SP100: variants seen among roughly 807,000 people sequenced by gnomAD.
SP100 encodes SP100 nuclear body protein.
Under a neutral mutation model 130.0 loss-of-function variants are expected in SP100, and 84 were observed. That is an observed-to-expected ratio of 0.65 (90% CI 0.54 to 0.77). The LOEUF (loss-of-function observed/expected upper bound fraction) is 0.77. Ranked by LOEUF, SP100 falls within the 30% of genes least tolerant of loss-of-function variation. The probability of loss-of-function intolerance (pLI) is 0.00; values close to 1 mark genes in which losing one functional copy is unlikely to be tolerated. For synonymous variants in SP100, 331 were observed against 351.7 expected, an observed-to-expected ratio of 0.94 and a Z score of 0.66; for missense variants, 978 against 1,052.2, an observed-to-expected ratio of 0.93 and a Z score of 0.97.
intron 13 of SP100, among the ~76,000 whole-genome samples, chr2:230,467,878 T>C (rs1559504679): frequency 1.3e-5 from 2 of 152,234 alleles, no homozygotes; most frequent in South Asian, 4.1e-4. Context: ...TAGTCTGTTA[T>C]TGCCTGATTT....
At chr2:230,419,982 G>A (rs926177169) in intron 2 of SP100, among the ~76,000 whole-genome samples, 2 of 152,130 alleles carry the variant, frequency 1.3e-5, no homozygotes, top group African/African-American at 4.8e-5. Flanking sequence ...TACTGGGATT[G>A]AATTGAGAGA....
intron 2 of SP100, among the ~76,000 whole-genome samples, chr2:230,437,494 T>A (rs2063328104): frequency 6.6e-6 from 1 of 152,172 alleles, no homozygotes; most frequent in Admixed American, 6.6e-5. Flanking sequence ...TTATGCTGAA[T>A]ATTGATATAT....
chr2:230,493,776 A>G (rs889460205), intron 17 of SP100: 1 of 149,476 alleles, frequency 6.7e-6, no homozygotes, highest in Admixed American at 6.7e-5. Flanking sequence ...TCTTTTTTTT[A>G]TTTCTCTTTT....
chr2:230,462,597 T>C (rs1304496338), intron 10 of SP100, 79 bp downstream of exon 10: 1 of 1,043,164 alleles, frequency 9.6e-7, no homozygotes, highest in Admixed American at 1.7e-5. Context: ...CATTTTATTC[T>C]GAGCTCATTC....
At chr2:230,514,597 A>T (rs1690797108) in intron 24 of SP100, among the ~76,000 whole-genome samples, 1 of 152,202 alleles carries the variant, frequency 6.6e-6, no homozygotes, top group Non-Finnish European at 1.5e-5. Flanking sequence ...GAAAAATCAT[A>T]GGCCAATTTT....
intron 8 of SP100, among the ~76,000 whole-genome samples, chr2:230,452,383 G>A (rs2064033290): frequency 6.6e-6 from 1 of 152,036 alleles, no homozygotes; most frequent in Non-Finnish European, 1.5e-5. Context: ...CACCATGTTG[G>A]TCGGGCTGGT....
chr2:230,438,635 T>C (rs190283122), intron 2 of SP100, among the ~76,000 whole-genome samples: 1,301 of 94,434 alleles, frequency 0.014, 22 homozygotes, highest in African/African-American at 0.054. Context: ...TAGTACTCCA[T>C]GGTGTATATA....
intron 24 of SP100, among the ~76,000 whole-genome samples, chr2:230,525,205 A>G (rs1216713417): frequency 6.6e-6 from 1 of 152,226 alleles, no homozygotes; most frequent in Non-Finnish European, 1.5e-5. Context: ...CAGAAAGTTC[A>G]ACCATGTCAT....
chr2:230,470,174 G>T lies in SP100; in HGVS notation c.1429+76G>T, dbSNP rs555323614. On this transcript the variant is annotated intron_variant, in intron 15 of 28. Transcript: ENST00000340126. ...GAATTAAAAGCTGCTGTTTCCAGAC[G>T]CTTTTTATTCTGAGCACCTTCACTA... is the stretch of plus-strand genomic sequence containing the variant. 6.5e-6 allele frequency: 10 copies of T among 1,534,654 alleles called. No homozygotes were observed. The African/African-American group carries it at 9.7e-5, about 15-fold the overall frequency.
chr2:230,429,419 AT>A (rs1446317550), intron 2 of SP100, among the ~76,000 whole-genome samples: 1 of 152,054 alleles, frequency 6.6e-6, no homozygotes, highest in East Asian at 1.9e-4. Context: ...TAATTATAAT[AT>A]TTCTTGATGT....
At position 230,421,163 on chromosome 2, in the gene SP100, G is replaced by A. The variant is rs370597525; in HGVS notation, c.107+3498G>A. Among the ~76,000 whole-genome samples, 17 of 151,882 alleles carry A rather than the reference G, an allele frequency of 1.1e-4. No homozygotes were observed. The East Asian group carries it at 2.3e-3, about 21-fold the overall frequency. Reference sequence around the variant, plus strand: ...CCCGCCGACCCCACAAATAACTATTGCCCTCTTATATATTTGCTTGGATTT... The same window carrying A: ...CCCGCCGACCCCACAAATAACTATTACCCTCTTATATATTTGCTTGGATTT... On this transcript the variant is annotated intron_variant, in intron 2 of 28. Coordinates refer to ENST00000340126, the MANE Select transcript of SP100 (RefSeq NM_001080391.2).
chr2:230,538,022 C>T (rs1307929950), intron 24 of SP100: 2 of 152,140 alleles, frequency 1.3e-5, no homozygotes, highest in Non-Finnish European at 2.9e-5. Flanking sequence ...GCATTAGAGG[C>T]CAGAGTTCTC....
chr2:230,445,463 C>T (rs80097323), intron 4 of SP100, among the ~76,000 whole-genome samples: 3,170 of 152,186 alleles, frequency 0.021, 129 homozygotes, highest in African/African-American at 0.073. Flanking sequence ...TATTGAAAGG[C>T]CTGGAATTTA....
At chr2:230,526,876 A>G (rs1457204998) in intron 24 of SP100, among the ~76,000 whole-genome samples, 2 of 152,192 alleles carry the variant, frequency 1.3e-5, no homozygotes, top group African/African-American at 2.4e-5. Flanking sequence ...GACTAGAGAA[A>G]AAAGAATGAA....
At chr2:230,538,088 T>G (rs1486114338) in intron 24 of SP100, 2 of 152,214 alleles carry the variant, frequency 1.3e-5, no homozygotes, top group Admixed American at 6.5e-5. Flanking sequence ...TACTGATGCC[T>G]ATACACCAAC....
At chr2:230,465,859 A>G (rs899093609) in intron 11 of SP100, among the ~76,000 whole-genome samples, 1 of 152,108 alleles carries the variant, frequency 6.6e-6, no homozygotes, top group Admixed American at 6.5e-5. Flanking sequence ...AACTGGATTC[A>G]CTAGAAGGAG....
intron 17 of SP100, among the ~76,000 whole-genome samples, chr2:230,481,700 A>G (rs2065840185): frequency 6.6e-6 from 1 of 152,168 alleles, no homozygotes; most frequent in Non-Finnish European, 1.5e-5. Flanking sequence ...ACCTAGAAAA[A>G]AAAGTCTAAA....
chr2:230,440,400 A>G (rs932110873), intron 2 of SP100: 5 of 434,832 alleles, frequency 1.1e-5, no homozygotes, highest in African/African-American at 6.3e-5. Context: ...TTAAAGTAAC[A>G]CCAAAACAAT....
At position 230,507,338 on chromosome 2, in the gene SP100, G is replaced by GGCACT. The variant is rs1487476208; in HGVS notation, c.2014-644_2014-640dup. 3 of 152,236 alleles carry GGCACT rather than the reference G, an allele frequency of 2.0e-5. No individual in the cohort carries two copies. In the South Asian group the frequency reaches 6.2e-4, roughly 32 times the overall value. The allele number at this position is 152,236 out of a possible 1,614,324, so 9.4% of individuals were successfully genotyped here. ...AGTAGTAGGTTTGCACCTGTCGATA[G>GGCACT]GCACTGCACTGCACTCCAGCCTGAG... is the stretch of plus-strand genomic sequence containing the variant. On this transcript the variant is annotated intron_variant, in intron 22 of 28. Transcript: ENST00000340126.
Sources: allele counts gnomAD v4.1 joint callset (sites outside exome capture counted in the v4.1 genomes callset), GRCh38; gene constraint gnomAD v4.1.1; transcripts MANE v1.5; gene names NCBI Gene and HGNC (gene_info 2026-07-23, HGNC 2026-07-21).